E2F3: variants seen among roughly 807,000 people sequenced by gnomAD.
E2F3 encodes the protein E2F transcription factor 3.
Under a neutral mutation model 44.4 loss-of-function variants are expected in E2F3, and 11 were observed. That is an observed-to-expected ratio of 0.25 (90% CI 0.16 to 0.41). The LOEUF (loss-of-function observed/expected upper bound fraction) is 0.41. Among genes scored for constraint, E2F3 ranks in the 10% least tolerant of loss-of-function variants. E2F3 has a pLI of 1.00. For synonymous variants in E2F3, 249 were observed against 253.0 expected (o/e 0.98, Z 0.15); for missense variants, 487 against 583.6 (o/e 0.83, Z 1.70).
chr6:20,417,517 A>C (rs1402098686), intron 1 of E2F3, among the ~76,000 whole-genome samples: 1 of 152,172 alleles, frequency 6.6e-6, no homozygotes, highest in East Asian at 1.9e-4. Context: ...CTTTTTAAAA[A>C]ATAAGTGTAA....
At chr6:20,419,529 T>TTTTATTTA (rs142847666) in intron 1 of E2F3, among the ~76,000 whole-genome samples, 200 of 150,418 alleles carry the variant, frequency 1.3e-3, no homozygotes, top group Non-Finnish European at 2.1e-3. Flanking sequence ...TAGTACCTCC[T>TTTTATTTA]TTTATTTATT....
intron 1 of E2F3, among the ~76,000 whole-genome samples, chr6:20,408,785 A>G (rs943550692): frequency 2.0e-5 from 3 of 152,240 alleles, no homozygotes; most frequent in Admixed American, 2.0e-4. Flanking sequence ...ATAAAAAATA[A>G]TTGACTTTAG....
At chr6:20,465,411 T>C (rs1761668081) in intron 1 of E2F3, among the ~76,000 whole-genome samples, 1 of 152,254 alleles carries the variant, frequency 6.6e-6, no homozygotes, top group African/African-American at 2.4e-5. Flanking sequence ...CAGTGTTGCA[T>C]TAAAACATTT....
At chr6:20,477,504 G>A (rs1243542887) in intron 1 of E2F3, among the ~76,000 whole-genome samples, 3 of 152,168 alleles carry the variant, frequency 2.0e-5, no homozygotes, top group African/African-American at 7.2e-5. Flanking sequence ...GGCTTTGCCT[G>A]AGTGTCTTAC....
chr6:20,423,757 C>T (rs1345021822), intron 1 of E2F3, among the ~76,000 whole-genome samples: 1 of 150,350 alleles, frequency 6.7e-6, no homozygotes, highest in Non-Finnish European at 1.5e-5. Context: ...GTGTGAGCCA[C>T]CACACCCGGC....
chr6:20,458,507 A>G (rs988575104), intron 1 of E2F3, among the ~76,000 whole-genome samples: 2 of 152,106 alleles, frequency 1.3e-5, no homozygotes, highest in African/African-American at 4.8e-5. Flanking sequence ...CAGCTCACTC[A>G]TGGTGGTGCT....
At chr6:20,461,452 C>T (rs963760214) in intron 1 of E2F3, among the ~76,000 whole-genome samples, 4 of 152,130 alleles carry the variant, frequency 2.6e-5, no homozygotes, top group African/African-American at 9.7e-5. Context: ...CAAGATGGCA[C>T]CACTGCACTC....
At chr6:20,428,785 T>C (rs1760301061) in intron 1 of E2F3, among the ~76,000 whole-genome samples, 1 of 152,228 alleles carries the variant, frequency 6.6e-6, no homozygotes, top group South Asian at 2.1e-4. Context: ...TCCGTAAATA[T>C]ATTTAGAAGA....
At chr6:20,463,675 C>T (rs1005603364) in intron 1 of E2F3, among the ~76,000 whole-genome samples, 1 of 152,164 alleles carries the variant, frequency 6.6e-6, no homozygotes, top group South Asian at 2.1e-4. Flanking sequence ...TTTCACATCA[C>T]GCTTCTGACA....
rs1483479741 is a variant in E2F3, at chr6:20,490,936, T to C, written c.*506T>C. On this transcript the variant is annotated 3_prime_UTR_variant, in exon 7 of 7. Transcript: ENST00000346618. The surrounding 1 kb of genome is among the most constrained non-coding windows in gnomAD (Gnocchi z 4.3). ...GCAAACTTGAAGTCATGCAAAAGTA[T>C]GAAATGGATTTCTTCAGCTCTTCTT... The C allele has an allele frequency of 4.3e-6, 1 of 230,030 alleles. No homozygotes were observed. The highest frequency in any genetic ancestry group is 8.6e-6 in the Non-Finnish European group (1 of 115,848). The allele number at this position is 230,030 out of a possible 1,614,324, so 14.2% of individuals were successfully genotyped here.
intron 1 of E2F3, among the ~76,000 whole-genome samples, chr6:20,422,645 G>A (rs535286700): frequency 7.9e-5 from 12 of 152,188 alleles, no homozygotes; most frequent in African/African-American, 2.9e-4. Context: ...GACCATTGTG[G>A]GATTACTAAT....
Position 20,401,935 on chromosome 6 carries a change from C to T in E2F3, c.-298C>T, listed in dbSNP as rs941779506. 12 of 407,882 alleles carry T rather than the reference C, an allele frequency of 2.9e-5. No individual in the cohort carries two copies. The East Asian group carries it at 4.1e-4, about 14-fold the overall frequency. 25.3% of individuals were successfully genotyped at this position (407,882 alleles called of 1,614,324 possible). A position where few individuals can be genotyped will look rare whatever the true frequency, so the allele number is the denominator to read the frequency against. ...TTTTTCAGCTGCCGGCCGCAGCACC[C>T]GGGCTGCCGCCGCCGCCTCGCAATC... On this transcript the variant is annotated 5_prime_UTR_variant, in exon 1 of 7. Transcript: ENST00000346618.
At chr6:20,481,062 A>G in intron 2 of E2F3, 144 bp from the exon 3 acceptor site, 1 of 737,072 alleles carries the variant, frequency 1.4e-6, no homozygotes, top group Non-Finnish European at 2.2e-6. Flanking sequence ...TGACTTGCCA[A>G]CACCAACAGC....
chr6:20,474,320 A>G (rs1020389919), intron 1 of E2F3, among the ~76,000 whole-genome samples: 4 of 152,216 alleles, frequency 2.6e-5, no homozygotes, highest in Non-Finnish European at 4.4e-5. Context: ...GTTAACGTCC[A>G]TGGGGCTGAG....
At chr6:20,410,483 G>A (rs1215578164) in intron 1 of E2F3, among the ~76,000 whole-genome samples, 1 of 152,210 alleles carries the variant, frequency 6.6e-6, no homozygotes, top group African/African-American at 2.4e-5. Context: ...TTAGGAAGTT[G>A]CAATGAGTTC....
chr6:20,432,137 G>T (rs551274176), intron 1 of E2F3, among the ~76,000 whole-genome samples: 1 of 152,266 alleles, frequency 6.6e-6, no homozygotes, highest in Non-Finnish European at 1.5e-5. Flanking sequence ...GGACGTGGGG[G>T]TGGGCGTTTA....
At chr6:20,412,618 G>C (rs1000229792) in intron 1 of E2F3, among the ~76,000 whole-genome samples, 6 of 152,094 alleles carry the variant, frequency 3.9e-5, no homozygotes, top group African/African-American at 1.2e-4. Context: ...GAGTAGATTG[G>C]GGGTGGGAAG....
chr6:20,484,372 C>T (rs1023905947), intron 4 of E2F3, among the ~76,000 whole-genome samples: 1 of 152,212 alleles, frequency 6.6e-6, no homozygotes, highest in Non-Finnish European at 1.5e-5. Flanking sequence ...TTGAAATTTT[C>T]CTTCCTGCAG....
At chr6:20,484,027 C>T (rs1762313359) in intron 4 of E2F3, among the ~76,000 whole-genome samples, 1 of 152,164 alleles carries the variant, frequency 6.6e-6, no homozygotes, top group South Asian at 2.1e-4. Flanking sequence ...CAGTGGTTGG[C>T]AGAGTGGGTT....
Sources: gnomAD v4.1 joint callset for allele counts (sites outside exome capture counted in the v4.1 genomes callset) on GRCh38, gnomAD v4.1.1 for gene constraint, Gnocchi (gnomAD v3.1) non-coding constraint, MANE v1.5 for transcripts, NCBI Gene and HGNC (gene_info 2026-07-23, HGNC 2026-07-21) for gene names.